Variants in PHLPP1 observed in about 807,000 individuals in gnomAD.
The protein encoded by PHLPP1 is PH domain and leucine rich repeat protein phosphatase 1.
A neutral mutation model predicts 117.2 loss-of-function variants in PHLPP1; 42 were observed. The observed-to-expected ratio is 0.36, with a 90% CI of 0.28 to 0.46. The LOEUF (loss-of-function observed/expected upper bound fraction) is 0.46. Among genes scored for constraint, PHLPP1 ranks in the 20% least tolerant of loss-of-function variants. PHLPP1 has a pLI of 1.00. For missense variants in PHLPP1, 2,084 were observed against 2,241.9 expected (o/e 0.93, Z 1.42); for synonymous variants, 1,042 against 970.7 (o/e 1.07, Z -1.37).
At chr18:62,729,919 T>C (rs1911182251) in intron 1 of PHLPP1, among the ~76,000 whole-genome samples, 1 of 152,258 alleles carries the variant, frequency 6.6e-6, no homozygotes, top group Admixed American at 6.5e-5. Context: ...TTTAGTGCTT[T>C]ATAAATATTA....
chr18:62,868,837 T>C (rs911228711), intron 4 of PHLPP1, among the ~76,000 whole-genome samples: 7 of 152,192 alleles, frequency 4.6e-5, no homozygotes, highest in African/African-American at 1.7e-4. Flanking sequence ...GAGTCTTTGA[T>C]GCTACCCAGA....
chr18:62,794,160 A>G (rs759550953), intron 1 of PHLPP1, among the ~76,000 whole-genome samples: 3 of 152,176 alleles, frequency 2.0e-5, no homozygotes, highest in Non-Finnish European at 4.4e-5. Context: ...ATATGCATAC[A>G]TATATACCTG....
chr18:62,766,076 A>AAAAAAAAAAATATATATATATAT, intron 1 of PHLPP1, among the ~76,000 whole-genome samples: 2 of 21,646 alleles, frequency 9.2e-5, no homozygotes, highest in African/African-American at 3.0e-4. Context: ...AAAAAAAAAA[A>AAAAAAAAAAATATATATATATAT]ATATATATAT....
At chr18:62,953,401 C>G (rs1283654042) in intron 12 of PHLPP1, among the ~76,000 whole-genome samples, 5 of 152,158 alleles carry the variant, frequency 3.3e-5, no homozygotes. Context: ...GCTATTAGCT[C>G]TCTCTAGATG....
chr18:62,870,017 C>G (rs527760364), intron 4 of PHLPP1, among the ~76,000 whole-genome samples: 1 of 152,156 alleles, frequency 6.6e-6, no homozygotes. Flanking sequence ...CTCAGCCTCC[C>G]GAATGGATGG....
chr18:62,829,473 C>G (rs1468445631), intron 1 of PHLPP1, among the ~76,000 whole-genome samples: 1 of 152,184 alleles, frequency 6.6e-6, no homozygotes, highest in Non-Finnish European at 1.5e-5. Flanking sequence ...AACTCCAACC[C>G]AGGCGTGGTG....
intron 4 of PHLPP1, among the ~76,000 whole-genome samples, chr18:62,890,242 C>A (rs1223857970): frequency 1.3e-5 from 2 of 151,568 alleles, no homozygotes; most frequent in African/African-American, 4.8e-5. Context: ...TTCTCTCTTC[C>A]ATTTTATTTA....
Position 62,783,662 on chromosome 18 carries a change from G to A in PHLPP1, c.1577-46373G>A, listed in dbSNP as rs572359201. ...GGGACACCTGAAGCCTTGAAGAAAA[G>A]CTTTTCTTTTGCCCTTTTTTCTTGA... On this transcript the variant is annotated intron_variant, in intron 1 of 16. Transcript: ENST00000262719. Among the ~76,000 whole-genome samples the A allele has an allele frequency of 8.1e-5, 12 of 148,210 alleles. No homozygotes were observed. In the South Asian group the frequency reaches 2.0e-3, roughly 24 times the overall value.
chr18:62,915,091 C>A, intron 9 of PHLPP1, 83 bp downstream of exon 9: 1 of 972,544 alleles, frequency 1.0e-6, no homozygotes. Context: ...AACTTGGTAT[C>A]ATAAGCCTAA....
chr18:62,758,827 G>A (rs1407818617), intron 1 of PHLPP1, among the ~76,000 whole-genome samples: 2 of 152,110 alleles, frequency 1.3e-5, no homozygotes, highest in Non-Finnish European at 2.9e-5. Context: ...TCCTTTTAAG[G>A]ATAATGAACC....
intron 13 of PHLPP1, among the ~76,000 whole-genome samples, chr18:62,960,779 C>T (rs1638756774): frequency 6.6e-6 from 1 of 152,190 alleles, no homozygotes; most frequent in Admixed American, 6.5e-5. Flanking sequence ...AAAATATTCA[C>T]TTACTCAGAC....
intron 12 of PHLPP1, among the ~76,000 whole-genome samples, chr18:62,955,844 C>T (rs917906372): frequency 3.3e-5 from 5 of 152,136 alleles, no homozygotes; most frequent in African/African-American, 1.2e-4. Flanking sequence ...AAATTACTCA[C>T]ACTTATTAGC....
intron 4 of PHLPP1, among the ~76,000 whole-genome samples, chr18:62,892,859 G>C (rs1272031588): frequency 7.0e-6 from 1 of 143,800 alleles, no homozygotes; most frequent in Non-Finnish European, 1.5e-5. Flanking sequence ...CTGGGCGACA[G>C]AGCAAGACTC....
chr18:62,863,855 G>C (rs1915696137), intron 4 of PHLPP1, among the ~76,000 whole-genome samples: 1 of 152,056 alleles, frequency 6.6e-6, no homozygotes, highest in Admixed American at 6.6e-5. Context: ...ATTTCATCCT[G>C]TGAGTAAGAA....
At chr18:62,838,682 T>C (rs1399435415) in intron 2 of PHLPP1, 102 bp from the exon 3 acceptor site, 1 of 1,151,150 alleles carries the variant, frequency 8.7e-7, no homozygotes, top group Non-Finnish European at 1.3e-6. Flanking sequence ...TAGGGAAACA[T>C]GCAAATCCAT....
chr18:62,813,821 G>A (rs1914190297), intron 1 of PHLPP1, among the ~76,000 whole-genome samples: 2 of 152,042 alleles, frequency 1.3e-5, no homozygotes, highest in African/African-American at 2.4e-5. Context: ...TTCCCTTTCA[G>A]CATTTTAATG....
intron 1 of PHLPP1, among the ~76,000 whole-genome samples, chr18:62,812,102 G>C (rs1004856666): frequency 3.3e-5 from 5 of 152,298 alleles, no homozygotes; most frequent in African/African-American, 1.2e-4. Flanking sequence ...GGACTTATAT[G>C]ATTGTAGGGA....
chr18:62,748,528 G>A (rs1911748339), intron 1 of PHLPP1, among the ~76,000 whole-genome samples: 1 of 152,192 alleles, frequency 6.6e-6, no homozygotes, highest in Non-Finnish European at 1.5e-5. Context: ...TTACAGGGGT[G>A]AGCCACCACG....
chr18:62,779,117 T>C (rs530887438), intron 1 of PHLPP1, among the ~76,000 whole-genome samples: 1 of 152,316 alleles, frequency 6.6e-6, no homozygotes, highest in Admixed American at 6.5e-5. Flanking sequence ...TAGGCCTTCA[T>C]GCTCAGCCTT....
Sources: allele counts gnomAD v4.1 joint callset (sites outside exome capture counted in the v4.1 genomes callset), GRCh38; gene constraint gnomAD v4.1.1; transcripts MANE v1.5; gene names NCBI Gene and HGNC (gene_info 2026-07-23, HGNC 2026-07-21).